The following TNFRSF8 variants were observed in gnomAD, a reference collection of about 807,000 sequenced individuals.
TNFRSF8 encodes TNF receptor superfamily member 8.
In TNFRSF8, 26 loss-of-function variants were observed where a neutral mutation model predicts 70.8. The observed-to-expected ratio is 0.37, with a 90% CI of 0.27 to 0.51. The LOEUF is 0.51. TNFRSF8 is among the 20% of genes least tolerant of loss of function. TNFRSF8 has a pLI of 0.94. For missense variants in TNFRSF8, 720 were observed against 807.9 expected (o/e 0.89, Z 1.32); for synonymous variants, 356 against 339.2 (o/e 1.05, Z -0.54).
At chr1:12,080,749 G>A (rs184826906) in intron 1 of TNFRSF8, among the ~76,000 whole-genome samples, 1 of 152,180 alleles carries the variant, frequency 6.6e-6, no homozygotes, top group Admixed American at 6.5e-5. Context: ...TAGTAGAGAC[G>A]GGGTTTCGCC....
chr1:12,138,506 G>T lies in TNFRSF8; in HGVS notation c.1543+70G>T, dbSNP rs939572383. The T allele has an allele frequency of 1.4e-6, 2 of 1,429,608 alleles. No individual in the cohort carries two copies. The highest frequency in any genetic ancestry group is 4.9e-5 in the Admixed American group (2 of 40,778). 88.6% of individuals were successfully genotyped at this position (1,429,608 alleles called of 1,614,324 possible). ...ATGGGAGATGAATACGGGGCCCTGG[G>T]CCCTGGAAGGGACCTGGAGACCCTG... On this transcript the variant is annotated intron_variant, in intron 14 of 14. Coordinates refer to ENST00000263932, the MANE Select transcript of TNFRSF8 (RefSeq NM_001243.5). This position sits in a 1 kb window ranked among gnomAD's most constrained non-coding sequence, Gnocchi z 5.7.
chr1:12,109,145 G>C lies in TNFRSF8; in HGVS notation c.422-421G>C, dbSNP rs1641580339. 6.6e-6 allele frequency among the ~76,000 whole-genome samples: 1 copy of C among 152,196 alleles called. No individual in the cohort carries two copies. The highest frequency in any genetic ancestry group is 2.4e-5 in the African/African-American group (1 of 41,454). ...TCTGCCCAGCGCCAGTGGGAAGACA[G>C]CTTCCCTTTCTTACATTTTTAATAT... On this transcript the variant is annotated intron_variant, in intron 4 of 14. Coordinates refer to ENST00000263932, the MANE Select transcript of TNFRSF8 (RefSeq NM_001243.5). This position sits in a 1 kb window ranked among gnomAD's most constrained non-coding sequence, Gnocchi z 4.4.
At chr1:12,071,190 A>G (rs1397009812) in intron 1 of TNFRSF8, among the ~76,000 whole-genome samples, 1 of 152,220 alleles carries the variant, frequency 6.6e-6, no homozygotes, top group Non-Finnish European at 1.5e-5. Flanking sequence ...CTGTAATCCC[A>G]GCACTTTGGA....
Position 12,079,194 on chromosome 1 carries a change from C to T in TNFRSF8, c.64-5270C>T, listed in dbSNP as rs533788001. ...TTTTTGAAAGTGAACTTTAACTGGT[C>T]TTGTAGGGAAAACCAAACCAACCTG... is the stretch of plus-strand genomic sequence containing the variant. On this transcript the variant is annotated intron_variant, in intron 1 of 14. Transcript: ENST00000263932. 4.6e-5 allele frequency among the ~76,000 whole-genome samples: 7 copies of T among 152,324 alleles called. No individual in the cohort carries two copies. The East Asian group carries it at 1.4e-3, about 29-fold the overall frequency.
chr1:12,102,514 G>A (rs1466100218), intron 3 of TNFRSF8, among the ~76,000 whole-genome samples: 1 of 147,966 alleles, frequency 6.8e-6, no homozygotes, highest in Non-Finnish European at 1.5e-5. Flanking sequence ...AGTTTTACCA[G>A]TGCTATTTTT....
Position 12,097,194 on chromosome 1 carries a change from C to T in TNFRSF8, c.245C>T (p.Thr82Ile), listed in dbSNP as rs750469600. 2 of 1,613,984 alleles carry T rather than the reference C, an allele frequency of 1.2e-6. No homozygotes were observed. The highest frequency in any genetic ancestry group is 4.5e-5 in the East Asian group (2 of 44,878). Reference sequence around the variant, plus strand: ...TACCTGGATGAGGCCGACCGCTGTACAGCCTGCGTGACTTGTTCTCGAGGT... The same window carrying T: ...TACCTGGATGAGGCCGACCGCTGTATAGCCTGCGTGACTTGTTCTCGAGGT... ...DYYLDEADRC[T>I]ACVTCSRDDL... Residue 82 changes from threonine to isoleucine, a missense_variant, in exon 3 of 15, where the codon ACA becomes ATA. Thr to Ile is a moderately conservative substitution (Grantham distance 89). Transcript: ENST00000263932.
intron 1 of TNFRSF8, among the ~76,000 whole-genome samples, chr1:12,074,657 G>A (rs1222715313): frequency 6.6e-6 from 1 of 152,188 alleles, no homozygotes; most frequent in Non-Finnish European, 1.5e-5. Context: ...ACATTGCAGA[G>A]TTTTCTGACT....
intron 1 of TNFRSF8, among the ~76,000 whole-genome samples, chr1:12,084,053 A>C (rs1349461477): frequency 6.6e-6 from 1 of 152,122 alleles, no homozygotes; most frequent in African/African-American, 2.4e-5. Flanking sequence ...AGATCTGTGC[A>C]CTTTTTTGTA....
chr1:12,082,390 T>A (rs1383257052), intron 1 of TNFRSF8, among the ~76,000 whole-genome samples: 1 of 151,236 alleles, frequency 6.6e-6, no homozygotes, highest in Non-Finnish European at 1.5e-5. Flanking sequence ...TACAAAAAAA[T>A]AAAACATTAG....
At chr1:12,069,502 G>A (rs1485865188) in intron 1 of TNFRSF8, among the ~76,000 whole-genome samples, 2 of 152,076 alleles carry the variant, frequency 1.3e-5, no homozygotes, top group Non-Finnish European at 2.9e-5. Flanking sequence ...TTGAAAATGA[G>A]TCACCTCCCT....
intron 8 of TNFRSF8, among the ~76,000 whole-genome samples, chr1:12,120,064 A>ACAATCACTT (rs1491353655): frequency 4.8e-4 from 73 of 152,326 alleles, no homozygotes; most frequent in South Asian, 8.3e-4. Flanking sequence ...CAGCTAAATT[A>ACAATCACTT]CAGTCACTTC....
At chr1:12,077,528 T>C (rs761241856) in intron 1 of TNFRSF8, among the ~76,000 whole-genome samples, 1 of 152,168 alleles carries the variant, frequency 6.6e-6, no homozygotes, top group Non-Finnish European at 1.5e-5. Context: ...ACCTCAGTCC[T>C]ACAACCACAA....
Position 12,110,064 on chromosome 1 carries a change from C to A in TNFRSF8, c.536C>A (p.Pro179His). 6.2e-7 allele frequency: 1 copy of A among 1,613,216 alleles called. No homozygotes were observed. Among genetic ancestry groups the A allele is most frequent in the Non-Finnish European group, 8.5e-7 (1 of 1,179,656 alleles). The change falls in exon 6 of 15, where the codon CCC becomes CAC. Residue 179 changes from proline (P) to histidine (H), a missense_variant. Coordinates refer to ENST00000263932, the MANE Select transcript of TNFRSF8 (RefSeq NM_001243.5). The surrounding 1 kb of genome is among the most constrained non-coding windows in gnomAD (Gnocchi z 4.0). ...AGTGGCACCATCCCCCAGGCCAAGCCCACCCCGGTGTCCCCAGCAACCTCC... is the reference window on the plus strand; with the variant it reads ...AGTGGCACCATCCCCCAGGCCAAGCACACCCCGGTGTCCCCAGCAACCTCC... Reference protein sequence around the residue: ...PSSGTIPQAKPTPVSPATSSA... With the variant: ...PSSGTIPQAKHTPVSPATSSA...
Position 12,063,495 on chromosome 1 carries a change from C to A in TNFRSF8, c.-104C>A. ...GGAGTGTGCTGGAGCCTGAAGTCCA[C>A]GCGCGCGGCTGAGAACCGCCGGGAC... is the stretch of plus-strand genomic sequence containing the variant. On this transcript the variant is annotated 5_prime_UTR_variant, in exon 1 of 15. Coordinates refer to ENST00000263932, the MANE Select transcript of TNFRSF8 (RefSeq NM_001243.5). The surrounding 1 kb of genome is among the most constrained non-coding windows in gnomAD (Gnocchi z 7.2). 3 of 1,068,310 alleles carry A rather than the reference C, an allele frequency of 2.8e-6. No homozygotes were observed. Among genetic ancestry groups the A allele is most frequent in the South Asian group, 3.1e-5 (1 of 32,568 alleles). The allele number at this position is 1,068,310 out of a possible 1,614,324, so 66.2% of individuals were successfully genotyped here.
rs376514297 is a variant in TNFRSF8, at chr1:12,080,276, T to C, written c.64-4188T>C. ...GATGATCCCAGTTTTGTTGGCAACA[T>C]CCAAAGCATTGTAATCAGGAGCCAG... On this transcript the variant is annotated intron_variant, in intron 1 of 14. Coordinates refer to ENST00000263932, the MANE Select transcript of TNFRSF8 (RefSeq NM_001243.5). 5.0e-4 allele frequency: 264 copies of C among 523,280 alleles called. 3 individuals carry two copies. Among genetic ancestry groups the C allele is most frequent in the South Asian group, 3.5e-3 (256 of 72,370 alleles). 32.4% of individuals were successfully genotyped at this position (523,280 alleles called of 1,614,324 possible). A position where few individuals can be genotyped will look rare whatever the true frequency, so the allele number is the denominator to read the frequency against.
intron 8 of TNFRSF8, among the ~76,000 whole-genome samples, chr1:12,116,629 C>T (rs1000388582): frequency 2.0e-4 from 31 of 152,050 alleles, no homozygotes; most frequent in African/African-American, 6.5e-4. Context: ...GGCAAAACCC[C>T]GTCTCTACTA....
chr1:12,125,566 T>A (rs865875511), intron 10 of TNFRSF8, among the ~76,000 whole-genome samples: 1 of 152,194 alleles, frequency 6.6e-6, no homozygotes, highest in Non-Finnish European at 1.5e-5. Context: ...GTTCAACCTC[T>A]TCCTTCCCCT....
chr1:12,075,409 C>T (rs1305580185), intron 1 of TNFRSF8, among the ~76,000 whole-genome samples: 1 of 152,074 alleles, frequency 6.6e-6, no homozygotes, highest in Non-Finnish European at 1.5e-5. Context: ...CATCTGTTAC[C>T]ATCCGGTAGC....
intron 1 of TNFRSF8, 139 bp from the exon 2 acceptor site, chr1:12,084,325 T>A (rs1641115572): frequency 1.3e-6 from 1 of 762,962 alleles, no homozygotes; most frequent in Admixed American, 2.1e-5. Flanking sequence ...CGGTGTGGGT[T>A]TGTGGAATCA....
Sources: allele counts gnomAD v4.1 joint callset (sites outside exome capture counted in the v4.1 genomes callset), GRCh38; gene constraint gnomAD v4.1.1; non-coding constraint Gnocchi (gnomAD v3.1); transcripts MANE v1.5; gene names NCBI Gene and HGNC (gene_info 2026-07-23, HGNC 2026-07-21).